Variants in USP44 observed in about 807,000 individuals in gnomAD.
USP44 encodes the protein ubiquitin specific peptidase 44.
Under a neutral mutation model 69.0 loss-of-function variants are expected in USP44, and 61 were observed. The observed-to-expected ratio is 0.88, with a 90% CI of 0.72 to 1.09. The LOEUF is 1.09. Among genes scored for constraint, USP44 ranks in the 50% least tolerant of loss-of-function variants. The probability of loss-of-function intolerance (pLI) is 0.00; values close to 1 mark genes in which losing one functional copy is unlikely to be tolerated. For synonymous variants in USP44, 297 were observed against 295.4 expected (o/e 1.01, Z -0.06); for missense variants, 753 against 849.9 (o/e 0.89, Z 1.42).
At chr12:95,538,357 A>C (rs1325687483) in intron 1 of USP44, among the ~76,000 whole-genome samples, 1 of 152,118 alleles carries the variant, frequency 6.6e-6, no homozygotes, top group Non-Finnish European at 1.5e-5. Flanking sequence ...CTTAGCTGCC[A>C]ATAGTAATAA....
At chr12:95,535,492 A>G (rs1246807610) in intron 1 of USP44, 2 of 152,228 alleles carry the variant, frequency 1.3e-5, no homozygotes, top group Non-Finnish European at 2.9e-5. Context: ...TCAGAAACAT[A>G]CAAGGAAATA....
intron 1 of USP44, among the ~76,000 whole-genome samples, chr12:95,537,704 G>T (rs373369139): frequency 2.0e-5 from 3 of 152,222 alleles, no homozygotes; most frequent in African/African-American, 7.2e-5. Flanking sequence ...TTTTAAAGAC[G>T]TAGAATGAGT....
intron 1 of USP44, chr12:95,546,660 G>A (rs1280055584): frequency 6.6e-6 from 1 of 152,158 alleles, no homozygotes; most frequent in Non-Finnish European, 1.5e-5. Flanking sequence ...ACCCACGTTT[G>A]TTCTGCCTAA....
chr12:95,538,334 G>T lies in USP44; in HGVS notation c.-70-4008C>A, dbSNP rs557304198. 8.2e-4 allele frequency among the ~76,000 whole-genome samples: 125 copies of T among 152,090 alleles called. 1 individual carries two copies. The highest frequency in any genetic ancestry group is 3.4e-3 in the Middle Eastern group (1 of 294). On this transcript the variant is annotated intron_variant, in intron 1 of 5. Transcript: ENST00000258499. ...ACAACTCCTGACACTTAATAATATGGCCCTGAGTACATCTTAGCTGCCAAT... is the reference window on the plus strand; with the variant it reads ...ACAACTCCTGACACTTAATAATATGTCCCTGAGTACATCTTAGCTGCCAAT...
At chr12:95,543,099 AG>A (rs1032055109) in intron 1 of USP44, among the ~76,000 whole-genome samples, 18 of 78,130 alleles carry the variant, frequency 2.3e-4, no homozygotes, top group African/African-American at 6.7e-4. Context: ...AAAAAAAAAA[AG>A]AAAGAAAATA....
chr12:95,524,651 A>T, intron 4 of USP44, 29 bp downstream of exon 4: 1 of 1,523,282 alleles, frequency 6.6e-7, no homozygotes. Flanking sequence ...ACAAGGAATG[A>T]TAACTTTGCA....
Position 95,518,220 on chromosome 12 carries a change from C to G in USP44, c.2073G>C (p.Glu691Asp). Residue 691 changes from glutamate to aspartate, a missense_variant, in exon 6 of 6, where the codon GAG becomes GAC. Glu to Asp is a conservative substitution (Grantham distance 45). Coordinates refer to ENST00000258499, the MANE Select transcript of USP44 (RefSeq NM_032147.5). ...ENGHSKLLPP[E>D]LLLGSQHPNE... ...TGGGATGTTGGCTCCCCAACAGGAGCTCTGGAGGCAAAAGTTTAGAATGTC... is the reference window on the plus strand; with the variant it reads ...TGGGATGTTGGCTCCCCAACAGGAGGTCTGGAGGCAAAAGTTTAGAATGTC... The G allele has an allele frequency of 6.2e-7, 1 of 1,614,150 alleles. No homozygotes were observed. The highest frequency in any genetic ancestry group is 8.5e-7 in the Non-Finnish European group (1 of 1,180,028).
rs61750877 is a variant in USP44 at position 95,533,855 on chromosome 12, G to A, written c.402C>T (p.Asp134=). ...GTGDDSYFLH[D]GAQSLLQSED... ...CACTTTGAAGCAGAGATTGGGCACC[G>A]TCATGTAAGAAATAAGAATCATCAC... Residue 134 remains aspartate, a synonymous_variant, in exon 2 of 6, where the codon GAC becomes GAT. Transcript: ENST00000258499. 11,602 of 1,613,962 alleles carry A rather than the reference G, an allele frequency of 7.2e-3. 739 individuals carry two copies. The African/African-American group carries it at 0.14, about 19-fold the overall frequency.
Position 95,518,926 on chromosome 12 carries a change from G to A in USP44, c.1940-573C>T, listed in dbSNP as rs2076560868. Among the ~76,000 whole-genome samples the A allele has an allele frequency of 2.3e-5, 3 of 128,720 alleles. No homozygotes were observed. In the South Asian group the frequency reaches 8.2e-4, roughly 35 times the overall value. 84.4% of individuals were successfully genotyped at this position (128,720 alleles called of 152,430 possible). Reference sequence around the variant, plus strand: ...TTGCCCTCAAGCCTGGGTGATAGAGGGACTGTCTTAAAAAAAAAAATTCCA... The same window carrying A: ...TTGCCCTCAAGCCTGGGTGATAGAGAGACTGTCTTAAAAAAAAAAATTCCA... On this transcript the variant is annotated intron_variant, in intron 5 of 5. Coordinates refer to ENST00000258499, the MANE Select transcript of USP44 (RefSeq NM_032147.5).
chr12:95,550,041 T>C (rs2077695134), intron 1 of USP44, among the ~76,000 whole-genome samples: 2 of 152,002 alleles, frequency 1.3e-5, no homozygotes, highest in African/African-American at 4.8e-5. Flanking sequence ...TATCCGGGCC[T>C]GGTGGCGGGC....
intron 5 of USP44, 134 bp from the exon 6 acceptor site, chr12:95,518,487 G>T: frequency 2.2e-6 from 2 of 889,150 alleles, no homozygotes; most frequent in Non-Finnish European, 3.4e-6. Flanking sequence ...GAGAAATATA[G>T]ATTGGGCAGT....
chr12:95,518,486 A>G, intron 5 of USP44, 133 bp from the exon 6 acceptor site: 1 of 889,630 alleles, frequency 1.1e-6, no homozygotes, highest in Non-Finnish European at 1.7e-6. Context: ...TGAGAAATAT[A>G]GATTGGGCAG....
chr12:95,537,816 T>C (rs2077255825), intron 1 of USP44, among the ~76,000 whole-genome samples: 1 of 152,210 alleles, frequency 6.6e-6, no homozygotes, highest in African/African-American at 2.4e-5. Flanking sequence ...GTACTTTCTT[T>C]ATTAATCTAT....
intron 5 of USP44, among the ~76,000 whole-genome samples, chr12:95,519,857 T>C (rs1388863358): frequency 6.6e-6 from 1 of 150,644 alleles, no homozygotes; most frequent in Admixed American, 6.6e-5. Context: ...CTGGCCAACA[T>C]GGTGAAACCC....
chr12:95,525,672 G>T (rs916498186), intron 3 of USP44, among the ~76,000 whole-genome samples: 1 of 152,138 alleles, frequency 6.6e-6, no homozygotes, highest in Non-Finnish European at 1.5e-5. Context: ...TCACTCAAGC[G>T]TTTTGCTTTT....
At chr12:95,540,718 G>A (rs760849820) in intron 1 of USP44, among the ~76,000 whole-genome samples, 8 of 151,980 alleles carry the variant, frequency 5.3e-5, no homozygotes, top group Non-Finnish European at 1.0e-4. Context: ...CATTTCCACA[G>A]CTATCACTCT....
chr12:95,550,986 T>A lies in USP44; in HGVS notation c.-71+286A>T, dbSNP rs539666990. ...TAGTTTAGCTTTTTCTTCATACTTATTACTACTTATTCAACTTTGAAATTT... is the reference window on the plus strand; with the variant it reads ...TAGTTTAGCTTTTTCTTCATACTTAATACTACTTATTCAACTTTGAAATTT... On this transcript the variant is annotated intron_variant, in intron 1 of 5. Coordinates refer to ENST00000258499, the MANE Select transcript of USP44 (RefSeq NM_032147.5). 1.4e-4 allele frequency among the ~76,000 whole-genome samples: 22 copies of A among 152,284 alleles called. No individual in the cohort carries two copies. In the South Asian group the frequency reaches 4.6e-3, roughly 32 times the overall value.
rs7954430 is a variant in USP44, at chr12:95,529,716, C to G, written c.1429-714G>C. ...GATTACAGGCGTGAGCCACCATGCC[C>G]GGCCTCTCCTTCATCTTTTGCTGAT... On this transcript the variant is annotated intron_variant, in intron 2 of 5. Coordinates refer to ENST00000258499, the MANE Select transcript of USP44 (RefSeq NM_032147.5). Among the ~76,000 whole-genome samples, 32 of 152,256 alleles carry G rather than the reference C, an allele frequency of 2.1e-4. 1 individual carries two copies. The highest frequency in any genetic ancestry group is 7.2e-4 in the African/African-American group (30 of 41,560).
intron 1 of USP44, among the ~76,000 whole-genome samples, chr12:95,541,006 G>A (rs934117100): frequency 2.6e-5 from 4 of 152,194 alleles, no homozygotes; most frequent in African/African-American, 4.8e-5. Flanking sequence ...TTGGCCAGGC[G>A]CAGTGGCTTA....
Sources: gnomAD v4.1 joint callset for allele counts (sites outside exome capture counted in the v4.1 genomes callset) on GRCh38, gnomAD v4.1.1 for gene constraint, MANE v1.5 for transcripts, NCBI Gene and HGNC (gene_info 2026-07-23, HGNC 2026-07-21) for gene names.